BOC: variants seen among roughly 807,000 people sequenced by gnomAD.
BOC encodes brother of CDO.
BOC carries 76 observed loss-of-function variants against 112.0 expected under a neutral mutation model. That is an observed-to-expected ratio of 0.68 (90% CI 0.56 to 0.82). The LOEUF (loss-of-function observed/expected upper bound fraction) is 0.82, where lower values mean the gene tolerates loss of function less well. Among genes scored for constraint, BOC ranks in the 40% least tolerant of loss-of-function variants. The probability of loss-of-function intolerance (pLI) is 0.00; values close to 1 mark genes in which losing one functional copy is unlikely to be tolerated. For missense variants in BOC, 1,309 were observed against 1,511.7 expected (o/e 0.87, Z 2.22); for synonymous variants, 580 against 599.8 (o/e 0.97, Z 0.48).
At chr3:113,272,348 G>C in intron 6 of BOC, 62 bp from the exon 7 acceptor site, 1 of 1,558,230 alleles carries the variant, frequency 6.4e-7, no homozygotes, top group Admixed American at 1.7e-5. Context: ...TGCCTCCTGG[G>C]CATGCTCTAC....
At chr3:113,276,399 A>AG (rs147280509) in intron 9 of BOC, among the ~76,000 whole-genome samples, 5,126 of 152,190 alleles carry the variant, frequency 0.034, 157 homozygotes, top group East Asian at 0.099. Flanking sequence ...CTGGGAGGGC[A>AG]GGGTACATGG....
chr3:113,282,790 T>C (rs1240053328), intron 15 of BOC, among the ~76,000 whole-genome samples: 1 of 151,214 alleles, frequency 6.6e-6, no homozygotes, highest in Non-Finnish European at 1.5e-5. Flanking sequence ...TGGGGGACAT[T>C]AGGGGACAGA....
rs539136779 is a variant in BOC at position 113,262,076 on chromosome 3, T to C, written c.377-6223T>C. The C allele has an allele frequency of 9.2e-5, 14 of 152,312 alleles. No homozygotes were observed. The South Asian group carries it at 2.7e-3, about 29-fold the overall frequency. The allele number at this position is 152,312 out of a possible 1,614,324, so 9.4% of individuals were successfully genotyped here. A position where few individuals can be genotyped will look rare whatever the true frequency, so the allele number is the denominator to read the frequency against. On this transcript the variant is annotated intron_variant, in intron 4 of 19. Transcript: ENST00000682979. ...CAGAAAGTGTGTTTGAGAAATTTCATGTCATGTTTCCATGGTTGTCAGGAG... is the reference window on the plus strand; with the variant it reads ...CAGAAAGTGTGTTTGAGAAATTTCACGTCATGTTTCCATGGTTGTCAGGAG...
At chr3:113,265,505 G>C (rs1243418767) in intron 4 of BOC, among the ~76,000 whole-genome samples, 2 of 152,142 alleles carry the variant, frequency 1.3e-5, no homozygotes, top group Admixed American at 1.3e-4. Flanking sequence ...TCGCTTTGTG[G>C]GGAGCCTCCT....
At chr3:113,233,840 G>A (rs1576360620) in intron 2 of BOC, among the ~76,000 whole-genome samples, 1 of 106,800 alleles carries the variant, frequency 9.4e-6, no homozygotes, top group South Asian at 3.4e-4. Flanking sequence ...AAGGTCTTAT[G>A]TCCTGCCTGC....
rs1430883893 is a variant in BOC at position 113,278,313 on chromosome 3, A to T, written c.1705+56A>T. On this transcript the variant is annotated intron_variant, in intron 10 of 19. Transcript: ENST00000682979. This position sits in a 1 kb window ranked among gnomAD's most constrained non-coding sequence, Gnocchi z 4.2. The stretch of plus-strand genomic sequence containing the variant: ...GTTTCCGTGGGTCTAAGCAAGTTCC[A>T]CTGGCCCAGGTGAGAATTCCTGCTC... 2.4e-5 allele frequency: 38 copies of T among 1,576,910 alleles called. No homozygotes were observed. Among genetic ancestry groups the T allele is most frequent in the Non-Finnish European group, 3.1e-5 (36 of 1,151,892 alleles).
intron 18 of BOC, among the ~76,000 whole-genome samples, 188 bp downstream of exon 18, chr3:113,285,046 C>G (rs751142529): frequency 2.6e-5 from 4 of 152,274 alleles, no homozygotes; most frequent in Non-Finnish European, 4.4e-5. Context: ...TTGCGATGCC[C>G]TTTCTGCCTG....
chr3:113,217,328 C>T (rs1939606584), intron 2 of BOC, among the ~76,000 whole-genome samples: 1 of 152,164 alleles, frequency 6.6e-6, no homozygotes, highest in South Asian at 2.1e-4. Context: ...CCAGCCTGGG[C>T]AACATGGCAA....
At chr3:113,249,672 C>T in intron 2 of BOC, 50 bp from the exon 3 acceptor site, 1 of 709,126 alleles carries the variant, frequency 1.4e-6, no homozygotes, top group Non-Finnish European at 2.2e-6. Context: ...ACAGGTGCAC[C>T]CCAGGCATCC....
chr3:113,272,396 C>T lies in BOC; in HGVS notation c.668-14C>T. ...TCCACACGCCTTCTGTCCTTGCCCT[C>T]CTTGCCCCTCCAGGCTCCACCGCTG... On this transcript the variant is annotated splice_polypyrimidine_tract_variant and intron_variant, in intron 6 of 19. Coordinates refer to ENST00000682979, the MANE Select transcript of BOC (RefSeq NM_001378074.1). 6.2e-7 allele frequency: 1 copy of T among 1,611,172 alleles called. No individual in the cohort carries two copies. The highest frequency in any genetic ancestry group is 8.5e-7 in the Non-Finnish European group (1 of 1,177,864).
At position 113,272,834 on chromosome 3, in the gene BOC, A is replaced by G. The variant is rs888496457; in HGVS notation, c.961+131A>G. Reference sequence around the variant, plus strand: ...GCCACATGCTGAGTGAGGAACAGGCATGCTGAAGAGTCAGGGCTCTTCGGA... The same window carrying G: ...GCCACATGCTGAGTGAGGAACAGGCGTGCTGAAGAGTCAGGGCTCTTCGGA... On this transcript the variant is annotated intron_variant, in intron 7 of 19. Transcript: ENST00000682979. 3 of 1,211,110 alleles carry G rather than the reference A, an allele frequency of 2.5e-6. No individual in the cohort carries two copies. The Admixed American group carries it at 6.6e-5, about 27-fold the overall frequency. The allele number at this position is 1,211,110 out of a possible 1,614,324, so 75.0% of individuals were successfully genotyped here. A position where few individuals can be genotyped will look rare whatever the true frequency, so the allele number is the denominator to read the frequency against.
At chr3:113,264,847 A>G (rs1947293205) in intron 4 of BOC, among the ~76,000 whole-genome samples, 1 of 152,198 alleles carries the variant, frequency 6.6e-6, no homozygotes, top group Non-Finnish European at 1.5e-5. Flanking sequence ...TAGGAGGGAC[A>G]GGGCCAAGGA....
At chr3:113,275,744 C>T (rs567556692) in intron 9 of BOC, among the ~76,000 whole-genome samples, 3 of 152,360 alleles carry the variant, frequency 2.0e-5, no homozygotes, top group Admixed American at 2.0e-4. Flanking sequence ...ACAGAACCAA[C>T]CCTGCACAGT....
intron 4 of BOC, among the ~76,000 whole-genome samples, chr3:113,266,875 G>A (rs943461557): frequency 2.0e-5 from 3 of 152,198 alleles, no homozygotes; most frequent in South Asian, 2.1e-4. Flanking sequence ...GTTCCATTAC[G>A]TGGGAAGCCT....
At chr3:113,286,558 C>T (rs374410160) in intron 19 of BOC, 117 bp from the exon 20 acceptor site, 11 of 955,638 alleles carry the variant, frequency 1.2e-5, no homozygotes, top group Admixed American at 2.7e-5. Context: ...GGTTTCTGTC[C>T]CCTTTCCAGA....
chr3:113,273,007 G>C, intron 7 of BOC, 62 bp from the exon 8 acceptor site: 1 of 1,545,466 alleles, frequency 6.5e-7, no homozygotes, highest in Non-Finnish European at 8.8e-7. Flanking sequence ...ATCCCTCCCA[G>C]CCCATCTGGC....
chr3:113,239,341 G>A (rs554310301), intron 2 of BOC, among the ~76,000 whole-genome samples: 7 of 152,180 alleles, frequency 4.6e-5, no homozygotes, highest in Non-Finnish European at 8.8e-5. Context: ...GCAGGGAGAA[G>A]CAGGAGACAA....
At position 113,286,717 on chromosome 3, in the gene BOC, A is replaced by G. The variant is rs777038814; in HGVS notation, c.3203A>G (p.Asp1068Gly). The G allele has an allele frequency of 6.2e-7, 1 of 1,610,164 alleles. No homozygotes were observed. Among genetic ancestry groups the G allele is most frequent in the South Asian group, 1.1e-5 (1 of 90,518 alleles). The change falls in exon 20 of 20, where the codon GAC becomes GGC. Residue 1068 changes from aspartate (D) to glycine (G), a missense_variant. By Grantham distance (94) the Asp-to-Gly change is moderately conservative. Transcript: ENST00000682979. ...GGCCTTGTGCCAGTTGAAGAGGTGGACAGTCCTGACTCCTGCCAAGTGAGT... is the reference window on the plus strand; with the variant it reads ...GGCCTTGTGCCAGTTGAAGAGGTGGGCAGTCCTGACTCCTGCCAAGTGAGT... ...CLGLVPVEEV[D>G]SPDSCQVSGG...
chr3:113,277,971 A>G (rs2107701584), intron 9 of BOC, 124 bp from the exon 10 acceptor site: 2 of 1,298,630 alleles, frequency 1.5e-6, no homozygotes, highest in Middle Eastern at 2.0e-4. Context: ...CCTAACCCCA[A>G]CCTGGCTTAT....
Sources: gnomAD v4.1 joint callset for allele counts (sites outside exome capture counted in the v4.1 genomes callset) on GRCh38, gnomAD v4.1.1 for gene constraint, Gnocchi (gnomAD v3.1) non-coding constraint, MANE v1.5 for transcripts, NCBI Gene and HGNC (gene_info 2026-07-23, HGNC 2026-07-21) for gene names.